Variants in LHFPL6 observed in about 807,000 individuals in gnomAD.
The protein encoded by LHFPL6 is LHFPL tetraspan subfamily member 6.
Under a neutral mutation model 20.6 loss-of-function variants are expected in LHFPL6, and 9 were observed. The observed-to-expected ratio is 0.44, with a 90% confidence interval of 0.26 to 0.76. The LOEUF (loss-of-function observed/expected upper bound fraction) is 0.76. Ranked by LOEUF, LHFPL6 falls within the 30% of genes least tolerant of loss-of-function variation. LHFPL6 has a pLI of 0.20. For missense variants in LHFPL6, 218 were observed against 253.5 expected, an observed-to-expected ratio of 0.86 and a Z score of 0.95; for synonymous variants, 105 against 98.7, an observed-to-expected ratio of 1.06 and a Z score of -0.38.
chr13:39,498,337 A>G (rs1229522731), intron 2 of LHFPL6, among the ~76,000 whole-genome samples: 1 of 152,188 alleles, frequency 6.6e-6, no homozygotes, highest in Non-Finnish European at 1.5e-5. Flanking sequence ...TTTACCAAGC[A>G]CCTACTCTGT....
intron 2 of LHFPL6, among the ~76,000 whole-genome samples, chr13:39,453,604 G>A (rs1566114930): frequency 6.6e-6 from 1 of 152,190 alleles, no homozygotes; most frequent in African/African-American, 2.4e-5. Flanking sequence ...AAGGAATCCA[G>A]ACTGATAGAA....
At chr13:39,497,661 T>C (rs780100822) in intron 2 of LHFPL6, among the ~76,000 whole-genome samples, 9 of 152,220 alleles carry the variant, frequency 5.9e-5, no homozygotes, top group African/African-American at 2.2e-4. Flanking sequence ...CAGGAGTCAA[T>C]AACTGATAAG....
At chr13:39,600,516 T>A (rs142750721) in intron 2 of LHFPL6, among the ~76,000 whole-genome samples, 1,773 of 152,298 alleles carry the variant, frequency 0.012, 25 homozygotes, top group African/African-American at 0.041. Flanking sequence ...TTGTTTAACA[T>A]AACGAACAAG....
chr13:39,581,545 A>AAAG (rs1209881560), intron 2 of LHFPL6, among the ~76,000 whole-genome samples: 1 of 151,040 alleles, frequency 6.6e-6, no homozygotes, highest in Non-Finnish European at 1.5e-5. Context: ...AAAAAAAAAA[A>AAAG]AAGAAGAAGA....
intron 2 of LHFPL6, among the ~76,000 whole-genome samples, chr13:39,380,574 A>G (rs1436483606): frequency 6.7e-6 from 1 of 149,234 alleles, no homozygotes; most frequent in Non-Finnish European, 1.5e-5. Context: ...GCAGTGGTGC[A>G]ATCTAAGCTC....
In LHFPL6 at chr13:39,472,580, T is replaced by C. The variant is rs375340803; in HGVS notation, c.386-94054A>G. 5.3e-5 allele frequency among the ~76,000 whole-genome samples: 8 copies of C among 152,022 alleles called. No homozygotes were observed. In the South Asian group the frequency reaches 1.0e-3, roughly 20 times the overall value. ...TTTCCCTCTTAATGTATTTGAAAGGTTTCTTCCCCTCTTTATTTTATCATT... is the reference window on the plus strand; with the variant it reads ...TTTCCCTCTTAATGTATTTGAAAGGCTTCTTCCCCTCTTTATTTTATCATT... On this transcript the variant is annotated intron_variant, in intron 2 of 3. Coordinates refer to ENST00000379589, the MANE Select transcript of LHFPL6 (RefSeq NM_005780.3).
intron 3 of LHFPL6, among the ~76,000 whole-genome samples, chr13:39,369,160 A>C (rs1870090047): frequency 6.6e-6 from 1 of 151,826 alleles, no homozygotes; most frequent in South Asian, 2.1e-4. Context: ...TATTCTCCCC[A>C]ATAGTTTTGT....
At chr13:39,539,131 T>C (rs1437437834) in intron 2 of LHFPL6, among the ~76,000 whole-genome samples, 1 of 152,146 alleles carries the variant, frequency 6.6e-6, no homozygotes, top group African/African-American at 2.4e-5. Context: ...AATTAAAAAA[T>C]AGAAGCTGGG....
At chr13:39,540,102 T>C (rs540863190) in intron 2 of LHFPL6, among the ~76,000 whole-genome samples, 9 of 152,242 alleles carry the variant, frequency 5.9e-5, no homozygotes, top group African/African-American at 9.6e-5. Flanking sequence ...AGATAGCCTA[T>C]AAATTCTTTG....
intron 2 of LHFPL6, among the ~76,000 whole-genome samples, chr13:39,501,580 T>G (rs566012869): frequency 6.6e-6 from 1 of 152,158 alleles, no homozygotes; most frequent in Admixed American, 6.5e-5. Flanking sequence ...GCTCTATCTA[T>G]GGGATTCTCA....
chr13:39,601,145 G>T lies in LHFPL6; in HGVS notation c.72C>A (p.Cys24Ter). 6.2e-7 allele frequency: 1 copy of T among 1,614,104 alleles called. No homozygotes were observed. Among genetic ancestry groups the T allele is most frequent in the Non-Finnish European group, 8.5e-7 (1 of 1,180,032 alleles). The change falls in exon 2 of 4, where the codon TGC (cysteine) becomes TGA (stop). Residue 24 changes from cysteine to a stop codon, truncating the protein, a stop_gained. Coordinates refer to ENST00000379589, the MANE Select transcript of LHFPL6 (RefSeq NM_005780.3). LOFTEE classifies it high-confidence loss of function. ...LLSFLCAATS[C>*]VGFFMPYWLW... Reference sequence around the variant, plus strand: ...GCCAGTAAGGCATAAAGAACCCCACGCAGGAGGTGGCAGCACAAAGAAAAG... The same window carrying T: ...GCCAGTAAGGCATAAAGAACCCCACTCAGGAGGTGGCAGCACAAAGAAAAG...
intron 2 of LHFPL6, among the ~76,000 whole-genome samples, chr13:39,428,765 T>G (rs1053468261): frequency 6.6e-6 from 1 of 152,198 alleles, no homozygotes; most frequent in Non-Finnish European, 1.5e-5. Context: ...AAAGTGCAAG[T>G]TGATTTGAGA....
chr13:39,595,263 T>C lies in LHFPL6; in HGVS notation c.385+5569A>G, dbSNP rs147311734. ...CTGAGCTTAGAGTGCATGCTCTCAC[T>C]GGTGCTCACTGTCAGCCGCCTGTAG... On this transcript the variant is annotated intron_variant, in intron 2 of 3. Coordinates refer to ENST00000379589, the MANE Select transcript of LHFPL6 (RefSeq NM_005780.3). 9.0e-3 allele frequency among the ~76,000 whole-genome samples: 1,377 copies of C among 152,312 alleles called. 17 individuals carry two copies. The highest frequency in any genetic ancestry group is 0.031 in the African/African-American group (1,305 of 41,554).
At chr13:39,563,115 CACACACACACACACACACACACACAG>C (rs1871598154) in intron 2 of LHFPL6, among the ~76,000 whole-genome samples, 1 of 125,420 alleles carries the variant, frequency 8.0e-6, no homozygotes, top group African/African-American at 2.6e-5. Context: ...CACACACACA[CACACACACACACACACACACACACAG>C]CATCTCTGAA....
rs752762927 is a variant in LHFPL6 at position 39,601,084 on chromosome 13, C to G, written c.133G>C (p.Gly45Arg). Reference protein sequence around the residue: ...GSQLGKPVSFGTFRRCSYPVH... With the variant: ...GSQLGKPVSFRTFRRCSYPVH... Reference sequence around the variant, plus strand: ...GGATATGAGCACCTCCGGAAGGTACCGAAGGACACAGGCTTGCCCAGCTGT... The same window carrying G: ...GGATATGAGCACCTCCGGAAGGTACGGAAGGACACAGGCTTGCCCAGCTGT... The change falls in exon 2 of 4, where the codon GGT becomes CGT. Residue 45 changes from glycine (G) to arginine (R), a missense_variant. Physicochemically the swap from Gly to Arg is moderately radical, Grantham distance 125. Coordinates refer to ENST00000379589, the MANE Select transcript of LHFPL6 (RefSeq NM_005780.3). The G allele has an allele frequency of 6.2e-7, 1 of 1,614,038 alleles. No individual in the cohort carries two copies. Among genetic ancestry groups the G allele is most frequent in the African/African-American group, 1.3e-5 (1 of 74,920 alleles).
At chr13:39,365,057 T>C (rs571121526) in intron 3 of LHFPL6, among the ~76,000 whole-genome samples, 14 of 152,314 alleles carry the variant, frequency 9.2e-5, no homozygotes, top group South Asian at 8.3e-4. Context: ...TTATTTAGTG[T>C]ATGGTGATAA....
At chr13:39,399,670 G>T (rs541069241) in intron 2 of LHFPL6, among the ~76,000 whole-genome samples, 1 of 152,322 alleles carries the variant, frequency 6.6e-6, no homozygotes, top group East Asian at 1.9e-4. Flanking sequence ...TCACTGAGAA[G>T]CCAAAATGTT....
chr13:39,418,151 T>C (rs537559125), intron 2 of LHFPL6, among the ~76,000 whole-genome samples: 2 of 152,246 alleles, frequency 1.3e-5, no homozygotes, highest in African/African-American at 4.8e-5. Context: ...AATAAACAAG[T>C]AAGTCCTGGT....
At chr13:39,579,225 G>T (rs1872207420) in intron 2 of LHFPL6, among the ~76,000 whole-genome samples, 1 of 152,160 alleles carries the variant, frequency 6.6e-6, no homozygotes, top group Non-Finnish European at 1.5e-5. Context: ...AGTGAGGCAG[G>T]CATGCAGGAA....
Sources: allele counts gnomAD v4.1 joint callset (sites outside exome capture counted in the v4.1 genomes callset), GRCh38; gene constraint gnomAD v4.1.1; transcripts MANE v1.5; gene names NCBI Gene and HGNC (gene_info 2026-07-23, HGNC 2026-07-21).